Variants in HDAC9 observed in about 807,000 individuals in gnomAD.
The protein encoded by HDAC9 is MEF-2 interacting transcription repressor (MITR) protein.
Under a neutral mutation model 139.4 loss-of-function variants are expected in HDAC9, and 41 were observed. That is an observed-to-expected ratio of 0.29 (90% CI 0.23 to 0.38). The LOEUF (loss-of-function observed/expected upper bound fraction) is 0.38. Among genes scored for constraint, HDAC9 ranks in the 10% least tolerant of loss-of-function variants. The pLI is 1.00. For missense variants in HDAC9, 1,147 were observed against 1,297.0 expected, an observed-to-expected ratio of 0.88 and a Z score of 1.78; for synonymous variants, 517 against 476.2, an observed-to-expected ratio of 1.09 and a Z score of -1.12.
At chr7:18,377,925 G>T (rs1410122935) in intron 1 of HDAC9, among the ~76,000 whole-genome samples, 1 of 152,062 alleles carries the variant, frequency 6.6e-6, no homozygotes, top group Non-Finnish European at 1.5e-5. Context: ...ACAAGAAAAT[G>T]GTTTAATTTT....
chr7:18,984,024 C>A (rs976114204), intron 25 of HDAC9, among the ~76,000 whole-genome samples: 4 of 152,082 alleles, frequency 2.6e-5, no homozygotes, highest in Non-Finnish European at 5.9e-5. Flanking sequence ...CACTAACCCC[C>A]AAATTAGATC....
chr7:18,407,542 CA>C (rs1359804931), intron 1 of HDAC9, among the ~76,000 whole-genome samples: 1 of 151,336 alleles, frequency 6.6e-6, no homozygotes, highest in African/African-American at 2.4e-5. Flanking sequence ...ATCAGTTCAC[CA>C]GGTAAGATCT....
chr7:18,389,421 C>T (rs1443307254), intron 1 of HDAC9, among the ~76,000 whole-genome samples: 10 of 152,218 alleles, frequency 6.6e-5, no homozygotes, highest in Admixed American at 6.5e-4. Context: ...GAAATCAGCA[C>T]ATGGCTTCCA....
At chr7:18,410,019 A>AT (rs146621856) in intron 1 of HDAC9, among the ~76,000 whole-genome samples, 8,185 of 151,192 alleles carry the variant, frequency 0.054, 444 homozygotes, top group East Asian at 0.18. Context: ...TTCTTTACCC[A>AT]TTTTTTTTTG....
intron 13 of HDAC9, among the ~76,000 whole-genome samples, chr7:18,737,423 G>A (rs925738980): frequency 3.3e-5 from 5 of 152,148 alleles, no homozygotes; most frequent in Non-Finnish European, 5.9e-5. Context: ...CAGAGATTCT[G>A]GTAAGTGGTG....
chr7:18,196,532 A>G (rs915887859), intron 2 of HDAC9, among the ~76,000 whole-genome samples: 4 of 152,198 alleles, frequency 2.6e-5, no homozygotes, highest in Admixed American at 1.3e-4. Flanking sequence ...TTGCCAAACT[A>G]TAATGGAAGT....
intron 2 of HDAC9, among the ~76,000 whole-genome samples, chr7:18,267,824 G>C (rs1450880037): frequency 1.3e-5 from 2 of 152,048 alleles, no homozygotes; most frequent in Non-Finnish European, 2.9e-5. Context: ...TAGTGGGATT[G>C]CTAGATCTCG....
In HDAC9 at chr7:18,928,820, CATTTATTTT is replaced by C. The variant is rs779350307; in HGVS notation, c.2804-6980_2804-6972del. Among the ~76,000 whole-genome samples the C allele has an allele frequency of 4.1e-5, 6 of 146,624 alleles. No homozygotes were observed. The East Asian group carries it at 6.7e-4, about 16-fold the overall frequency. On this transcript the variant is annotated intron_variant, in intron 22 of 25. Transcript: ENST00000686413. The stretch of plus-strand genomic sequence containing the variant: ...TTATTTATAATTATTTGATGATGAT[CATTTATTTT>C]ATTTATTTATCAAATAAAAGATAAC...
At chr7:18,728,145 TG>T (rs1785709396) in intron 13 of HDAC9, among the ~76,000 whole-genome samples, 1 of 152,096 alleles carries the variant, frequency 6.6e-6, no homozygotes, top group Admixed American at 6.5e-5. Context: ...TTAACCAGTT[TG>T]TTTTTTTGTT....
intron 6 of HDAC9, among the ~76,000 whole-genome samples, chr7:18,616,480 G>C (rs1838634936): frequency 6.6e-6 from 1 of 152,162 alleles, no homozygotes. Flanking sequence ...AGGCCTGAAT[G>C]AATCTAGAGG....
chr7:18,205,302 A>C (rs536013449), intron 2 of HDAC9, among the ~76,000 whole-genome samples: 1 of 152,108 alleles, frequency 6.6e-6, no homozygotes, highest in South Asian at 2.1e-4. Context: ...ATATTTTTAA[A>C]ATTTAATTCT....
intron 8 of HDAC9, among the ~76,000 whole-genome samples, chr7:18,635,621 A>G (rs535625006): frequency 6.6e-6 from 1 of 152,058 alleles, no homozygotes; most frequent in African/African-American, 2.4e-5. Context: ...TGAAAGCCTT[A>G]TTTTTGTTTC....
chr7:18,625,704 G>T (rs547676196), intron 6 of HDAC9, among the ~76,000 whole-genome samples: 9 of 152,174 alleles, frequency 5.9e-5, no homozygotes, highest in Non-Finnish European at 1.0e-4. Context: ...CAGCACTTTG[G>T]GAGGCCGAGG....
intron 17 of HDAC9, among the ~76,000 whole-genome samples, chr7:18,815,129 T>A (rs1468862343): frequency 6.6e-6 from 1 of 152,164 alleles, no homozygotes; most frequent in Non-Finnish European, 1.5e-5. Context: ...TGTGTTATGA[T>A]CTTCAAAAAG....
intron 1 of HDAC9, among the ~76,000 whole-genome samples, chr7:18,349,155 C>T (rs1782653089): frequency 1.3e-5 from 2 of 152,028 alleles, no homozygotes; most frequent in Admixed American, 1.3e-4. Context: ...CTAAGGCCTA[C>T]AAAGCACTGC....
intron 1 of HDAC9, among the ~76,000 whole-genome samples, chr7:18,482,637 C>A (rs1164804762): frequency 6.6e-6 from 1 of 151,840 alleles, no homozygotes; most frequent in Non-Finnish European, 1.5e-5. Flanking sequence ...CTGAGCAATG[C>A]CCTTATTTAT....
chr7:18,110,187 T>C (rs1377659245), intron 1 of HDAC9, among the ~76,000 whole-genome samples: 1 of 152,218 alleles, frequency 6.6e-6, no homozygotes, highest in African/African-American at 2.4e-5. Context: ...ACAAATGGTT[T>C]GTCTTTTTAT....
intron 1 of HDAC9, among the ~76,000 whole-genome samples, chr7:18,356,360 T>G (rs946582789): frequency 8.0e-6 from 1 of 124,884 alleles, no homozygotes; most frequent in South Asian, 3.2e-4. Flanking sequence ...GCACATAGGT[T>G]TTTTTTTTTT....
intron 2 of HDAC9, among the ~76,000 whole-genome samples, chr7:18,227,227 TG>T (rs1793116372): frequency 6.6e-6 from 1 of 152,206 alleles, no homozygotes; most frequent in Non-Finnish European, 1.5e-5. Context: ...ATAGAGACTT[TG>T]TAATCCTTCT....
Sources: gnomAD v4.1 joint callset for allele counts (sites outside exome capture counted in the v4.1 genomes callset) on GRCh38, gnomAD v4.1.1 for gene constraint, MANE v1.5 for transcripts, NCBI Gene and HGNC (gene_info 2026-07-23, HGNC 2026-07-21) for gene names.